SLC5A10: variants seen among roughly 807,000 people sequenced by gnomAD.
SLC5A10 encodes the protein sodium/mannose cotransporter SLC5A10.
In SLC5A10, 55 loss-of-function variants were observed where a neutral mutation model predicts 68.9. That is an observed-to-expected ratio of 0.80 (90% CI 0.64 to 1.00). The LOEUF is 1.00. Among genes scored for constraint, SLC5A10 ranks in the 50% least tolerant of loss-of-function variants. The pLI is 0.00. For missense variants in SLC5A10, 732 were observed against 819.3 expected, an observed-to-expected ratio of 0.89 and a Z score of 1.30; for synonymous variants, 344 against 344.8, an observed-to-expected ratio of 1.00 and a Z score of 0.02.
chr17:19,006,403 CTTT>C (rs532718554), intron 9 of SLC5A10, among the ~76,000 whole-genome samples: 2 of 138,432 alleles, frequency 1.4e-5, no homozygotes, highest in Admixed American at 7.3e-5. Flanking sequence ...TTTCTTTTTT[CTTT>C]TTTTTTTTTT....
rs531465263 is a variant in SLC5A10 at position 18,958,214 on chromosome 17, G to A, written c.112-468G>A. Among the ~76,000 whole-genome samples the A allele has an allele frequency of 3.9e-5, 6 of 152,306 alleles. No individual in the cohort carries two copies. In the South Asian group the frequency reaches 1.2e-3, roughly 32 times the overall value. On this transcript the variant is annotated intron_variant, in intron 1 of 14. Coordinates refer to ENST00000395645, the MANE Select transcript of SLC5A10 (RefSeq NM_001042450.4). ...GTGTCCTAAGTAGCGGGGGCCACAG[G>A]TGTGTGCCACCAAACCCTGCATTTT... is the stretch of plus-strand genomic sequence containing the variant.
intron 11 of SLC5A10, 32 bp downstream of exon 11, chr17:19,015,231 G>GGCCCGTAC: frequency 8.0e-7 from 1 of 1,244,062 alleles, no homozygotes; most frequent in South Asian, 1.3e-5. Flanking sequence ...CGGGGGTGGG[G>GGCCCGTAC]GAACACTACA....
At chr17:18,959,100 C>A in intron 2 of SLC5A10, 35 bp from the exon 3 acceptor site, 2 of 1,588,250 alleles carry the variant, frequency 1.3e-6, no homozygotes, top group South Asian at 1.1e-5. Context: ...GCGCAGGGAG[C>A]CTGCTGCTGA....
At chr17:18,990,231 A>C (rs2043379410) in intron 9 of SLC5A10, among the ~76,000 whole-genome samples, 1 of 152,120 alleles carries the variant, frequency 6.6e-6, no homozygotes, top group African/African-American at 2.4e-5. Context: ...ATGTTCAAGG[A>C]AGGCCAGAGA....
intron 5 of SLC5A10, among the ~76,000 whole-genome samples, chr17:18,967,524 GA>G (rs1418246672): frequency 6.6e-6 from 1 of 152,238 alleles, no homozygotes; most frequent in Non-Finnish European, 1.5e-5. Flanking sequence ...GGCATGGGAT[GA>G]AGGGCCATGT....
At chr17:18,960,710 C>T (rs1157837519) in intron 5 of SLC5A10, 58 bp downstream of exon 5, 1 of 1,492,200 alleles carries the variant, frequency 6.7e-7, no homozygotes, top group Middle Eastern at 1.7e-4. Context: ...ATCTGTGGGC[C>T]CCTCAAGAGG....
chr17:18,998,697 T>A (rs557896898), intron 9 of SLC5A10, among the ~76,000 whole-genome samples: 7 of 152,304 alleles, frequency 4.6e-5, no homozygotes, highest in Non-Finnish European at 1.0e-4. Flanking sequence ...GAAGGGAGCC[T>A]TTGGAGCGCA....
chr17:18,995,153 T>C (rs1235400408), intron 9 of SLC5A10, among the ~76,000 whole-genome samples: 1 of 151,692 alleles, frequency 6.6e-6, no homozygotes, highest in Non-Finnish European at 1.5e-5. Context: ...CAAGAAAACA[T>C]GATGCACATG....
At chr17:18,983,065 C>G (rs1397819352) in intron 9 of SLC5A10, among the ~76,000 whole-genome samples, 2 of 152,342 alleles carry the variant, frequency 1.3e-5, no homozygotes, top group African/African-American at 4.8e-5. Flanking sequence ...CACAAAACAT[C>G]CAGGAGGGAT....
At chr17:19,008,813 A>ATTAT (rs1555579300) in intron 9 of SLC5A10, among the ~76,000 whole-genome samples, 52 of 146,118 alleles carry the variant, frequency 3.6e-4, no homozygotes, top group African/African-American at 1.3e-3. Context: ...TATTATTATT[A>ATTAT]TTTTTTTTTT....
chr17:19,002,550 C>T (rs1422155540), intron 9 of SLC5A10, among the ~76,000 whole-genome samples: 2 of 152,256 alleles, frequency 1.3e-5, no homozygotes, highest in Non-Finnish European at 2.9e-5. Flanking sequence ...CTAGGAACAC[C>T]TCATCCCACA....
intron 8 of SLC5A10, chr17:18,976,187 C>CAAAAAAAAAAAAAAAAAAAAA (rs58133737): frequency 2.8e-5 from 3 of 108,478 alleles, no homozygotes; most frequent in East Asian, 5.6e-4. Flanking sequence ...GACTCCGACT[C>CAAAAAAAAAAAAAAAAAAAAA]AAAAAAAAAG....
intron 9 of SLC5A10, 29 bp downstream of exon 9, chr17:18,977,018 G>A (rs751611936): frequency 3.1e-6 from 5 of 1,607,480 alleles, no homozygotes; most frequent in Non-Finnish European, 4.2e-6. Context: ...ACTGAACCCA[G>A]GCTGCAGGGC....
At chr17:18,960,758 A>T in intron 5 of SLC5A10, 106 bp downstream of exon 5, 1 of 1,146,198 alleles carries the variant, frequency 8.7e-7, no homozygotes, top group Non-Finnish European at 1.3e-6. Flanking sequence ...CTTGTTTAAC[A>T]GCTGGGCAAA....
chr17:18,984,332 CAAAAAA>C (rs1176935676), intron 9 of SLC5A10, among the ~76,000 whole-genome samples: 2 of 68,014 alleles, frequency 2.9e-5, no homozygotes, highest in African/African-American at 5.4e-5. Flanking sequence ...GACTCCCTCT[CAAAAAA>C]AAAAAAAAAA....
Position 19,015,128 on chromosome 17 carries a change from C to A in SLC5A10, c.1170C>A (p.Thr390=), listed in dbSNP as rs2044108483. 1.3e-6 allele frequency: 2 copies of A among 1,580,028 alleles called. No individual in the cohort carries two copies. The highest frequency in any genetic ancestry group is 3.4e-5 in the Admixed American group (2 of 59,294). The change falls in exon 11 of 15, where the codon ACC becomes ACA. Residue 390 remains threonine, a synonymous_variant. Coordinates refer to ENST00000395645, the MANE Select transcript of SLC5A10 (RefSeq NM_001042450.4). ...SLTSIFNSSS[T]LFTMDIWRRL... is the part of the protein sequence containing the mutation. ...CCTCCATCTTCAACAGCAGCAGCAC[C>A]CTCTTCACTATGGACATCTGGAGGC...
In SLC5A10 at chr17:19,017,710, A is replaced by G; in HGVS notation, c.1242-1713A>G. Reference sequence around the variant, plus strand: ...TGTTCAGTCCGTAAATGGGGCCCACAGCCTCCTGGAAACCCTGTGCAGGAC... The same window carrying G: ...TGTTCAGTCCGTAAATGGGGCCCACGGCCTCCTGGAAACCCTGTGCAGGAC... On this transcript the variant is annotated intron_variant, in intron 11 of 14. Coordinates refer to ENST00000395645, the MANE Select transcript of SLC5A10 (RefSeq NM_001042450.4). The surrounding 1 kb of genome is among the most constrained non-coding windows in gnomAD (Gnocchi z 5.6). The G allele has an allele frequency of 3.3e-6, 1 of 307,662 alleles. No individual in the cohort carries two copies. Among genetic ancestry groups the G allele is most frequent in the Non-Finnish European group, 6.2e-6 (1 of 161,236 alleles). The allele number at this position is 307,662 out of a possible 1,614,324, so 19.1% of individuals were successfully genotyped here.
At chr17:18,974,741 C>A (rs2152005403) in intron 8 of SLC5A10, among the ~76,000 whole-genome samples, 1 of 152,368 alleles carries the variant, frequency 6.6e-6, no homozygotes, top group Middle Eastern at 3.4e-3. Flanking sequence ...ACACTAGCAG[C>A]CTCACTTAAG....
chr17:19,003,326 C>T lies in SLC5A10; in HGVS notation c.983-10084C>T, dbSNP rs1295744834. Among the ~76,000 whole-genome samples, 1 of 151,996 alleles carries T rather than the reference C, an allele frequency of 6.6e-6. No individual in the cohort carries two copies. The highest frequency in any genetic ancestry group is 1.9e-4 in the East Asian group (1 of 5,176). ...CTGTCACCTGCTAGGACCTGGGAAC[C>T]CTACCCTGCAAAGAAACTGCGGATC... On this transcript the variant is annotated intron_variant, in intron 9 of 14. Coordinates refer to ENST00000395645, the MANE Select transcript of SLC5A10 (RefSeq NM_001042450.4). The surrounding 1 kb of genome is among the most constrained non-coding windows in gnomAD (Gnocchi z 4.5).
Sources: allele counts gnomAD v4.1 joint callset (sites outside exome capture counted in the v4.1 genomes callset), GRCh38; gene constraint gnomAD v4.1.1; non-coding constraint Gnocchi (gnomAD v3.1); transcripts MANE v1.5; gene names NCBI Gene and HGNC (gene_info 2026-07-23, HGNC 2026-07-21).